Variants in TRAPPC3L observed in about 807,000 individuals in gnomAD.
TRAPPC3L encodes trafficking protein particle complex subunit 3-like protein.
In TRAPPC3L, 23 loss-of-function variants were observed where a neutral mutation model predicts 23.7. That is an observed-to-expected ratio of 0.97 (90% CI 0.70 to 1.37). The LOEUF (loss-of-function observed/expected upper bound fraction) is 1.37, where lower values mean the gene tolerates loss of function less well. Among genes scored for constraint, TRAPPC3L ranks in the 40% most tolerant of loss-of-function variants. TRAPPC3L has a pLI of 0.00. For synonymous variants in TRAPPC3L, 81 were observed against 77.9 expected (o/e 1.04, Z -0.21); for missense variants, 212 against 216.8 (o/e 0.98, Z 0.14).
At chr6:116,519,036 T>A (rs1453541802) in intron 3 of TRAPPC3L, 1 of 152,172 alleles carries the variant, frequency 6.6e-6, no homozygotes, top group Non-Finnish European at 1.5e-5. Flanking sequence ...TGGAGTAAGA[T>A]AGGGAGAGCA....
intron 3 of TRAPPC3L, chr6:116,529,029 C>G (rs1420512648): frequency 1.3e-5 from 2 of 152,220 alleles, no homozygotes; most frequent in African/African-American, 2.4e-5. Context: ...ACCCTTGGGT[C>G]CTCCCCTGCC....
chr6:116,543,895 T>C lies in TRAPPC3L; in HGVS notation c.43-495A>G, dbSNP rs1204719481. 1.0e-5 allele frequency: 15 copies of C among 1,503,960 alleles called. No individual in the cohort carries two copies. In the East Asian group the frequency reaches 1.7e-4, roughly 17 times the overall value. The allele number at this position is 1,503,960 out of a possible 1,614,324, so 93.2% of individuals were successfully genotyped here. A position where few individuals can be genotyped will look rare whatever the true frequency, so the allele number is the denominator to read the frequency against. ...TTTGTGAGTTTCTTTTCTTTTTACT[T>C]AGAGAAAAAAGGGGAATGTGATATT... On this transcript the variant is annotated intron_variant, in intron 1 of 4. Coordinates refer to ENST00000368602, the MANE Select transcript of TRAPPC3L (RefSeq NM_001139444.3).
chr6:116,538,049 C>T (rs1773203744), intron 3 of TRAPPC3L, among the ~76,000 whole-genome samples: 2 of 152,148 alleles, frequency 1.3e-5, no homozygotes, highest in African/African-American at 2.4e-5. Context: ...TATTTGTTAG[C>T]AGCTATTTTG....
At chr6:116,535,683 T>C (rs573407420) in intron 3 of TRAPPC3L, among the ~76,000 whole-genome samples, 2 of 152,346 alleles carry the variant, frequency 1.3e-5, no homozygotes, top group South Asian at 4.1e-4. Flanking sequence ...AATATTTCAT[T>C]ATTACAACTA....
intron 3 of TRAPPC3L, among the ~76,000 whole-genome samples, chr6:116,513,035 T>C (rs754971084): frequency 6.6e-6 from 1 of 152,154 alleles, no homozygotes; most frequent in Non-Finnish European, 1.5e-5. Flanking sequence ...ATGTACAGCC[T>C]TAGGAAGGAC....
intron 3 of TRAPPC3L, chr6:116,511,777 C>A: frequency 6.2e-7 from 1 of 1,613,994 alleles, no homozygotes; most frequent in South Asian, 1.1e-5. Context: ...CTCTGCTGAC[C>A]GTGGGAAGTG....
chr6:116,523,276 T>G (rs55863133), intron 3 of TRAPPC3L: 6 of 152,324 alleles, frequency 3.9e-5, no homozygotes, highest in African/African-American at 1.4e-4. Flanking sequence ...TTCAAGGATA[T>G]ATTTTGTCCT....
chr6:116,503,307 T>C (rs1721865949), intron 3 of TRAPPC3L, among the ~76,000 whole-genome samples: 1 of 152,200 alleles, frequency 6.6e-6, no homozygotes, highest in South Asian at 2.1e-4. Flanking sequence ...AAGGGATCAA[T>C]TCAACAAGAA....
At chr6:116,508,571 C>T (rs190622082) in intron 3 of TRAPPC3L, among the ~76,000 whole-genome samples, 2 of 152,276 alleles carry the variant, frequency 1.3e-5, no homozygotes, top group East Asian at 3.9e-4. Context: ...CAAAAGGTTA[C>T]TATTATAGTA....
chr6:116,511,766 G>A, intron 3 of TRAPPC3L: 1 of 1,613,988 alleles, frequency 6.2e-7, no homozygotes, highest in Non-Finnish European at 8.5e-7. Flanking sequence ...CAGCTTCATG[G>A]CTCTGCTGAC....
chr6:116,545,636 G>C lies in TRAPPC3L; in HGVS notation c.-122C>G. ...AGCTCTTCCTCGCTTTGAGACAGGA[G>C]TGCTGCTTCTGCACTCTGCTGCTTT... On this transcript the variant is annotated 5_prime_UTR_variant, in exon 1 of 5. Transcript: ENST00000368602. The C allele has an allele frequency of 1.2e-6, 1 of 805,656 alleles. No individual in the cohort carries two copies. Among genetic ancestry groups the C allele is most frequent in the South Asian group, 2.1e-5 (1 of 48,294 alleles). 49.9% of individuals were successfully genotyped at this position (805,656 alleles called of 1,614,324 possible). A position where few individuals can be genotyped will look rare whatever the true frequency, so the allele number is the denominator to read the frequency against.
At chr6:116,504,076 T>C (rs1456135098) in intron 3 of TRAPPC3L, among the ~76,000 whole-genome samples, 2 of 151,958 alleles carry the variant, frequency 1.3e-5, no homozygotes, top group South Asian at 2.1e-4. Flanking sequence ...CTTCAAAAAA[T>C]CAATGAATCC....
In TRAPPC3L at chr6:116,496,931, C is replaced by T. The variant is rs757254140; in HGVS notation, c.*23G>A. ...CTAACATTAACTCAGCTAGCCGCCC[C>T]GTGGCATTTTCCGTGCTAGTCTTCA... On this transcript the variant is annotated 3_prime_UTR_variant, in exon 5 of 5. Transcript: ENST00000368602. 11 of 1,534,606 alleles carry T rather than the reference C, an allele frequency of 7.2e-6. No individual in the cohort carries two copies. Among genetic ancestry groups the T allele is most frequent in the East Asian group, 4.9e-5 (2 of 40,518 alleles).
In TRAPPC3L at chr6:116,499,774, T is replaced by C. The variant is rs188575560; in HGVS notation, c.426+707A>G. Among the ~76,000 whole-genome samples, 298 of 152,358 alleles carry C rather than the reference T, an allele frequency of 2.0e-3. 1 individual carries two copies. Among genetic ancestry groups the C allele is most frequent in the Non-Finnish European group, 3.2e-3 (217 of 68,040 alleles). On this transcript the variant is annotated intron_variant, in intron 4 of 4. Transcript: ENST00000368602. ...CAGTTTAGAGTTTCCTTAGGAAGTC[T>C]ACAAGTTTTTCCTGCCACACGTCCT... is the stretch of plus-strand genomic sequence containing the variant.
In TRAPPC3L at chr6:116,540,445, G is replaced by A. The variant is rs1416406707; in HGVS notation, c.158C>T (p.Thr53Met). ...AGCCAAAAAGTCTTCCACAAGCCGC[G>A]TTCCAATGCCGTAACCCCTGTGGAT... is the stretch of plus-strand genomic sequence containing the variant. ...YLDKMGYGIGTRLVEDFLARS... is the reference protein window; with the variant it reads ...YLDKMGYGIGMRLVEDFLARS... The change falls in exon 3 of 5, where the codon ACG (threonine) becomes ATG (methionine). Residue 53 changes from threonine (T) to methionine (M), a missense_variant. Physicochemically the swap from Thr to Met is moderately conservative, Grantham distance 81. Coordinates refer to ENST00000368602, the MANE Select transcript of TRAPPC3L (RefSeq NM_001139444.3). The A allele has an allele frequency of 5.8e-6, 9 of 1,551,148 alleles. No homozygotes were observed. The highest frequency in any genetic ancestry group is 2.4e-5 in the South Asian group (2 of 84,060).
intron 3 of TRAPPC3L, among the ~76,000 whole-genome samples, chr6:116,510,848 A>C (rs1562338649): frequency 6.6e-6 from 1 of 152,104 alleles, no homozygotes. Context: ...AAAGAATGAA[A>C]TAATGTCTTT....
chr6:116,497,948 G>A (rs984093471), intron 4 of TRAPPC3L, among the ~76,000 whole-genome samples: 2 of 152,148 alleles, frequency 1.3e-5, no homozygotes, highest in Non-Finnish European at 2.9e-5. Flanking sequence ...GCCTCAATTT[G>A]TTAAACCATT....
Position 116,528,220 on chromosome 6 carries a change from T to A in TRAPPC3L, c.240+12143A>T, listed in dbSNP as rs188597873. Among the ~76,000 whole-genome samples the A allele has an allele frequency of 2.0e-5, 3 of 152,356 alleles. No homozygotes were observed. In the East Asian group the frequency reaches 5.8e-4, roughly 29 times the overall value. Reference sequence around the variant, plus strand: ...ATAATAAAAGTTTAAGGGTAATTCCTCTGCAGGTGCTTTGCCTTCATGTTG... The same window carrying A: ...ATAATAAAAGTTTAAGGGTAATTCCACTGCAGGTGCTTTGCCTTCATGTTG... On this transcript the variant is annotated intron_variant, in intron 3 of 4. Coordinates refer to ENST00000368602, the MANE Select transcript of TRAPPC3L (RefSeq NM_001139444.3).
At chr6:116,543,802 G>C (rs1773605728) in intron 1 of TRAPPC3L, 5 of 1,533,444 alleles carry the variant, frequency 3.3e-6, no homozygotes, top group Non-Finnish European at 4.4e-6. Context: ...TCAGGCGTCT[G>C]CACAATCCCT....
Sources: allele counts gnomAD v4.1 joint callset (sites outside exome capture counted in the v4.1 genomes callset), GRCh38; gene constraint gnomAD v4.1.1; transcripts MANE v1.5; gene names NCBI Gene and HGNC (gene_info 2026-07-23, HGNC 2026-07-21).